BACH2: variants seen among roughly 807,000 people sequenced by gnomAD.
BACH2 encodes BACH transcriptional regulator 2, also known as transcription regulator protein BACH2.
A neutral mutation model predicts 61.8 loss-of-function variants in BACH2; 5 were observed. That is an observed-to-expected ratio of 0.08 (90% CI 0.04 to 0.17). The LOEUF (loss-of-function observed/expected upper bound fraction) is 0.17, where lower values mean the gene tolerates loss of function less well. Among genes scored for constraint, BACH2 ranks in the 10% least tolerant of loss-of-function variants. BACH2 has a pLI of 1.00. For missense variants in BACH2, 824 were observed against 1,091.1 expected (o/e 0.76, Z 3.45); for synonymous variants, 446 against 440.1 (o/e 1.01, Z -0.17).
intron 5 of BACH2, among the ~76,000 whole-genome samples, chr6:90,060,359 C>T (rs943367204): frequency 1.3e-4 from 20 of 152,230 alleles, no homozygotes; most frequent in Admixed American, 1.1e-3. Context: ...TTTGTCTGTG[C>T]TCCATTGCAT....
chr6:90,002,403 T>C (rs1267128979), intron 6 of BACH2, among the ~76,000 whole-genome samples: 1 of 152,180 alleles, frequency 6.6e-6, no homozygotes, highest in Non-Finnish European at 1.5e-5. Context: ...CTCCCATGAG[T>C]TCTGGCCATG....
At position 89,932,648 on chromosome 6, in the gene BACH2, C is replaced by T. The variant is rs757186928; in HGVS notation, c.2286G>A (p.Val762=). The T allele has an allele frequency of 2.5e-6, 4 of 1,614,114 alleles. No homozygotes were observed. In the South Asian group the frequency reaches 3.3e-5, roughly 13 times the overall value. The change falls in exon 9 of 9, where the codon GTG becomes GTA. Residue 762 remains valine, a synonymous_variant. Transcript: ENST00000257749. Reference sequence around the variant, plus strand: ...CCAAGCAGCAGGGCACGTTTTCCCCCACTGCGCATTGGGAGGCCGCAATGT... The same window carrying T: ...CCAAGCAGCAGGGCACGTTTTCCCCTACTGCGCATTGGGAGGCCGCAATGT... ...EQNIAASQCA[V]GENVPCCLEP...
intron 5 of BACH2, among the ~76,000 whole-genome samples, chr6:90,079,935 T>A (rs1180127674): frequency 6.6e-6 from 1 of 151,526 alleles, no homozygotes; most frequent in Admixed American, 6.6e-5. Flanking sequence ...TTTTTCTGTC[T>A]CAGGACTTTC....
intron 3 of BACH2, among the ~76,000 whole-genome samples, chr6:90,209,036 T>G (rs1466524969): frequency 9.3e-6 from 1 of 107,038 alleles, no homozygotes; most frequent in Non-Finnish European, 1.7e-5. Context: ...GGGAACATCA[T>G]ACACCAGGGC....
intron 4 of BACH2, among the ~76,000 whole-genome samples, chr6:90,136,284 T>C (rs1421584056): frequency 6.6e-6 from 1 of 152,252 alleles, no homozygotes; most frequent in Non-Finnish European, 1.5e-5. Flanking sequence ...AATAGGACTA[T>C]TAACACTGGT....
At chr6:90,169,753 T>C (rs962408817) in intron 4 of BACH2, among the ~76,000 whole-genome samples, 9 of 152,248 alleles carry the variant, frequency 5.9e-5, no homozygotes, top group Admixed American at 1.3e-4. Context: ...CTGGTTACTT[T>C]TGCCCTGTTT....
chr6:90,037,399 T>TA (rs1289473876), intron 5 of BACH2, among the ~76,000 whole-genome samples: 2 of 152,246 alleles, frequency 1.3e-5, no homozygotes, highest in Non-Finnish European at 2.9e-5. Context: ...TACACAACTA[T>TA]AAAATCATGA....
At chr6:89,957,171 A>T (rs1354064824) in intron 6 of BACH2, among the ~76,000 whole-genome samples, 1 of 152,218 alleles carries the variant, frequency 6.6e-6, no homozygotes, top group Admixed American at 6.5e-5. Context: ...AATGCTGGTG[A>T]CAATTAACTC....
In BACH2 at chr6:89,956,901, G is replaced by A. The variant is rs545949708; in HGVS notation, c.244-5039C>T. 1.4e-3 allele frequency among the ~76,000 whole-genome samples: 209 copies of A among 152,138 alleles called. 2 individuals carry two copies. The highest frequency in any genetic ancestry group is 1.7e-3 in the South Asian group (8 of 4,828). The stretch of plus-strand genomic sequence containing the variant: ...TGCAGAAGGCTGATCAGATGAATCC[G>A]GAGGACAGGTGACTGCTCCCTGGGA... On this transcript the variant is annotated intron_variant, in intron 6 of 8. Transcript: ENST00000257749.
intron 5 of BACH2, among the ~76,000 whole-genome samples, chr6:90,017,158 G>A (rs1778112029): frequency 6.6e-6 from 1 of 151,816 alleles, no homozygotes; most frequent in Non-Finnish European, 1.5e-5. Context: ...TAGACCATCT[G>A]CATTTGTCCC....
chr6:90,175,627 T>C (rs1767960292), intron 4 of BACH2, among the ~76,000 whole-genome samples: 3 of 152,096 alleles, frequency 2.0e-5, no homozygotes, highest in Admixed American at 2.0e-4. Context: ...CTCAGATCAA[T>C]AAACAGGCAA....
intron 6 of BACH2, among the ~76,000 whole-genome samples, chr6:89,990,260 T>A (rs758423312): frequency 1.6e-4 from 25 of 152,348 alleles, no homozygotes; most frequent in Admixed American, 5.2e-4. Flanking sequence ...TGGAGCTGAT[T>A]GAGCTCAACT....
chr6:90,165,572 G>A (rs528693524), intron 4 of BACH2, among the ~76,000 whole-genome samples: 3 of 152,120 alleles, frequency 2.0e-5, no homozygotes, highest in Non-Finnish European at 4.4e-5. Flanking sequence ...AAGTTCATAT[G>A]GAACCAAAAA....
intron 5 of BACH2, among the ~76,000 whole-genome samples, chr6:90,039,676 G>A (rs148766958): frequency 0.01 from 1,573 of 152,236 alleles, 15 homozygotes; most frequent in Non-Finnish European, 0.015. Context: ...AAGCCACTGC[G>A]CCTGGCCAAG....
intron 3 of BACH2, among the ~76,000 whole-genome samples, chr6:90,239,869 T>C (rs1225158614): frequency 6.6e-6 from 1 of 151,246 alleles, no homozygotes; most frequent in Non-Finnish European, 1.5e-5. Context: ...TACAGAAATA[T>C]ATATTTGCTA....
At chr6:90,129,467 T>C (rs1213020958) in intron 4 of BACH2, among the ~76,000 whole-genome samples, 1 of 152,072 alleles carries the variant, frequency 6.6e-6, no homozygotes. Context: ...CAACAGGCCA[T>C]GGTGTGTGTT....
intron 5 of BACH2, among the ~76,000 whole-genome samples, chr6:90,032,637 C>G (rs1414902690): frequency 1.3e-5 from 2 of 151,982 alleles, no homozygotes; most frequent in Non-Finnish European, 2.9e-5. Context: ...CAGAGAAATG[C>G]AAATCAAAAC....
intron 3 of BACH2, among the ~76,000 whole-genome samples, chr6:90,247,367 C>T (rs1770673241): frequency 6.6e-6 from 1 of 151,390 alleles, no homozygotes; most frequent in African/African-American, 2.4e-5. Flanking sequence ...TCCTTAGTAG[C>T]TGGGACTACA....
intron 5 of BACH2, among the ~76,000 whole-genome samples, chr6:90,051,189 G>A (rs1222175819): frequency 6.6e-6 from 1 of 151,912 alleles, no homozygotes; most frequent in Non-Finnish European, 1.5e-5. Flanking sequence ...TTGTTCTGAG[G>A]TACTTAAATT....
Sources: allele counts gnomAD v4.1 joint callset (sites outside exome capture counted in the v4.1 genomes callset), GRCh38; gene constraint gnomAD v4.1.1; transcripts MANE v1.5; gene names NCBI Gene and HGNC (gene_info 2026-07-23, HGNC 2026-07-21).